TMEM62: variants seen among roughly 807,000 people sequenced by gnomAD.
TMEM62 encodes the protein transmembrane protein 62.
In TMEM62, 41 loss-of-function variants were observed where a neutral mutation model predicts 70.4. That is an observed-to-expected ratio of 0.58 (90% CI 0.45 to 0.76). The LOEUF (loss-of-function observed/expected upper bound fraction) is 0.76. TMEM62 is among the 30% of genes least tolerant of loss of function. The pLI, the probability that TMEM62 is intolerant of heterozygous loss-of-function variation, is 0.00. For missense variants in TMEM62, 688 were observed against 788.5 expected, an observed-to-expected ratio of 0.87 and a Z score of 1.53; for synonymous variants, 268 against 291.0, an observed-to-expected ratio of 0.92 and a Z score of 0.80.
At chr15:43,181,130 C>A (rs1299481744) in intron 12 of TMEM62, 51 bp from the exon 13 acceptor site, 17 of 1,138,404 alleles carry the variant, frequency 1.5e-5, no homozygotes, top group Non-Finnish European at 2.1e-5. Flanking sequence ...TATATGTAAT[C>A]AGAATTATAG....
At position 43,141,122 on chromosome 15, in the gene TMEM62, A is replaced by G. The variant is rs1438345463; in HGVS notation, c.476+2503A>G. Among the ~76,000 whole-genome samples the G allele has an allele frequency of 3.9e-5, 6 of 152,184 alleles. 1 individual carries two copies. The highest frequency in any genetic ancestry group is 1.3e-4 in the Admixed American group (2 of 15,276). On this transcript the variant is annotated intron_variant, in intron 4 of 13. Coordinates refer to ENST00000260403, the MANE Select transcript of TMEM62 (RefSeq NM_024956.4). The stretch of plus-strand genomic sequence containing the variant: ...AGCATCTCCTGTCTCTGGGTGCCCC[A>G]TCTCATCCTCAGTCAGCACCCTAAC...
intron 4 of TMEM62, among the ~76,000 whole-genome samples, chr15:43,144,894 T>C (rs1046434031): frequency 2.6e-5 from 4 of 152,152 alleles, no homozygotes; most frequent in Admixed American, 6.5e-5. Context: ...CTTACCTTTG[T>C]ATTTTTGTTT....
chr15:43,164,002 C>G (rs535140890), intron 10 of TMEM62, among the ~76,000 whole-genome samples: 1 of 152,160 alleles, frequency 6.6e-6, no homozygotes, highest in African/African-American at 2.4e-5. Flanking sequence ...GTTCACTCAG[C>G]CTGCAGTGTA....
chr15:43,145,428 A>T (rs1313007483), intron 4 of TMEM62, among the ~76,000 whole-genome samples: 1 of 152,014 alleles, frequency 6.6e-6, no homozygotes, highest in Non-Finnish European at 1.5e-5. Flanking sequence ...GATGGTCTCG[A>T]TCTCCTGACC....
At chr15:43,153,046 A>G (rs1202400569) in intron 8 of TMEM62, among the ~76,000 whole-genome samples, 3 of 152,086 alleles carry the variant, frequency 2.0e-5, no homozygotes, top group African/African-American at 7.2e-5. Flanking sequence ...AACCATTTTC[A>G]TATCTCATTG....
intron 10 of TMEM62, among the ~76,000 whole-genome samples, chr15:43,164,078 A>G (rs746690750): frequency 2.0e-5 from 3 of 152,224 alleles, no homozygotes; most frequent in Non-Finnish European, 4.4e-5. Flanking sequence ...TCCCAGTACA[A>G]TGAAAGTGGA....
chr15:43,135,573 G>GC lies in TMEM62; in HGVS notation c.355dup (p.Gln119ProfsTer26). ...GATCCAGGCAGCATGAGGTAGAATG[G>GC]CAAACCTACCAGGGTATTCTGAAGA... On this transcript the variant is annotated frameshift_variant, in exon 3 of 14. Transcript: ENST00000260403. LOFTEE classifies it high-confidence loss of function. 6.2e-7 allele frequency: 1 copy of GC among 1,611,718 alleles called. No individual in the cohort carries two copies. The highest frequency in any genetic ancestry group is 1.1e-5 in the South Asian group (1 of 90,470).
chr15:43,134,603 C>G lies in TMEM62; in HGVS notation c.292+235C>G, dbSNP rs61144888. Reference sequence around the variant, plus strand: ...CAAGGTTTTGTCAAAGCAGTAGAAGCAAGGCTCCTGGTTCTCATGTCAGTC... The same window carrying G: ...CAAGGTTTTGTCAAAGCAGTAGAAGGAAGGCTCCTGGTTCTCATGTCAGTC... On this transcript the variant is annotated intron_variant, in intron 2 of 13. Transcript: ENST00000260403. Among the ~76,000 whole-genome samples, 1,331 of 152,314 alleles carry G rather than the reference C, an allele frequency of 8.7e-3. 16 individuals are homozygous for G. Among genetic ancestry groups the G allele is most frequent in the African/African-American group, 0.031 (1,286 of 41,554 alleles).
At position 43,152,596 on chromosome 15, in the gene TMEM62, C is replaced by T. The variant is rs139912782; in HGVS notation, c.1022+651C>T. Reference sequence around the variant, plus strand: ...TTTTAGTAGAGAGAGGGTTTCACCGCGTTGGCCAGGCTGGTCTCGAACTCC... The same window carrying T: ...TTTTAGTAGAGAGAGGGTTTCACCGTGTTGGCCAGGCTGGTCTCGAACTCC... On this transcript the variant is annotated intron_variant, in intron 8 of 13. Transcript: ENST00000260403. 3.9e-3 allele frequency among the ~76,000 whole-genome samples: 586 copies of T among 152,030 alleles called. 7 individuals are homozygous for T. In the East Asian group the frequency reaches 0.045, roughly 12 times the overall value.
chr15:43,155,466 A>G (rs2037934356), intron 9 of TMEM62, among the ~76,000 whole-genome samples: 1 of 152,250 alleles, frequency 6.6e-6, no homozygotes, highest in Non-Finnish European at 1.5e-5. Context: ...AGTGCACTCT[A>G]GCCTGAGTAA....
At chr15:43,163,416 G>A (rs534800732) in intron 10 of TMEM62, among the ~76,000 whole-genome samples, 49 of 151,414 alleles carry the variant, frequency 3.2e-4, no homozygotes, top group African/African-American at 1.2e-3. Context: ...TTTCTTTTGT[G>A]GATTTTTAAC....
intron 6 of TMEM62, 45 bp from the exon 7 acceptor site, chr15:43,148,984 C>G (rs751490324): frequency 1.9e-6 from 3 of 1,610,376 alleles, no homozygotes; most frequent in African/African-American, 1.3e-5. Context: ...TTTGGCCTCA[C>G]GCGTTATCTT....
intron 10 of TMEM62, among the ~76,000 whole-genome samples, chr15:43,166,138 G>A (rs1284608536): frequency 1.3e-5 from 2 of 152,240 alleles, no homozygotes; most frequent in African/African-American, 2.4e-5. Context: ...TGTACAAGGG[G>A]GTGCCCCAAG....
rs1420994222 is a variant in TMEM62, at chr15:43,148,589, C to G, written c.619-166C>G. On this transcript the variant is annotated intron_variant, in intron 5 of 13. Transcript: ENST00000260403. The stretch of plus-strand genomic sequence containing the variant: ...AAATGAAATATAATGTATGTGAAAA[C>G]AATTTGAAACTTACAGAGGTCCATA... 2.6e-5 allele frequency among the ~76,000 whole-genome samples: 4 copies of G among 152,088 alleles called. No individual in the cohort carries two copies. In the East Asian group the frequency reaches 5.8e-4, roughly 22 times the overall value.
At chr15:43,146,722 G>A (rs536037939) in intron 5 of TMEM62, 88 bp downstream of exon 5, 301 of 1,181,924 alleles carry the variant, frequency 2.5e-4, no homozygotes, top group Non-Finnish European at 3.4e-4. Context: ...AAGTAAACTA[G>A]TTGTTATCTA....
intron 4 of TMEM62, among the ~76,000 whole-genome samples, chr15:43,144,783 T>C (rs936734990): frequency 6.6e-6 from 1 of 152,194 alleles, no homozygotes; most frequent in Non-Finnish European, 1.5e-5. Context: ...GTATCTTTCA[T>C]GGTGACTGTG....
In TMEM62 at chr15:43,169,657, G is replaced by A. The variant is rs373644204; in HGVS notation, c.1361G>A (p.Arg454Gln). The A allele has an allele frequency of 4.9e-5, 79 of 1,613,824 alleles. No individual in the cohort carries two copies. Among genetic ancestry groups the A allele is most frequent in the Non-Finnish European group, 6.4e-5 (76 of 1,179,954 alleles). Residue 454 changes from arginine (R) to glutamine (Q), a missense_variant, in exon 11 of 14, where the codon CGA (arginine) becomes CAA (glutamine). Physicochemically the swap from Arg to Gln is conservative, Grantham distance 43 (BLOSUM62 1). Coordinates refer to ENST00000260403, the MANE Select transcript of TMEM62 (RefSeq NM_024956.4). ...ACCATTCTCATTATTTTTAGATATCGAGGATACCCAGAGCTTAAAGGTTAG... is the reference window on the plus strand; with the variant it reads ...ACCATTCTCATTATTTTTAGATATCAAGGATACCCAGAGCTTAAAGGTTAG... Reference protein sequence around the residue: ...QLTILIIFRYRGYPELKEPSG... With the variant: ...QLTILIIFRYQGYPELKEPSG...
chr15:43,144,368 C>T (rs543344146), intron 4 of TMEM62, among the ~76,000 whole-genome samples: 3 of 152,234 alleles, frequency 2.0e-5, no homozygotes, highest in Non-Finnish European at 4.4e-5. Context: ...TCTTAAGTAA[C>T]AAGCATAGAA....
chr15:43,176,421 C>T (rs547121736), intron 11 of TMEM62, among the ~76,000 whole-genome samples: 2 of 152,380 alleles, frequency 1.3e-5, no homozygotes, highest in East Asian at 3.9e-4. Flanking sequence ...AGCAGCCCAA[C>T]TGGGAGGCAC....
Sources: gnomAD v4.1 joint callset for allele counts (sites outside exome capture counted in the v4.1 genomes callset) on GRCh38, gnomAD v4.1.1 for gene constraint, MANE v1.5 for transcripts, NCBI Gene and HGNC (gene_info 2026-07-23, HGNC 2026-07-21) for gene names.